The following PRDM2 variants were observed in gnomAD, a reference collection of about 807,000 sequenced individuals.
PRDM2 encodes the protein PR/SET domain 2, also known as PR domain zinc finger protein 2.
PRDM2 carries 30 observed loss-of-function variants against 130.0 expected under a neutral mutation model. That is an observed-to-expected ratio of 0.23 (90% CI 0.17 to 0.31). The LOEUF (loss-of-function observed/expected upper bound fraction) is 0.31. PRDM2 is among the 10% of genes least tolerant of loss of function. PRDM2 has a pLI of 1.00. For synonymous variants in PRDM2, 871 were observed against 782.4 expected, an observed-to-expected ratio of 1.11 and a Z score of -1.89; for missense variants, 2,011 against 2,108.4, an observed-to-expected ratio of 0.95 and a Z score of 0.90.
chr1:13,793,383 A>AG (rs1254789674), intron 8 of PRDM2, among the ~76,000 whole-genome samples: 1 of 152,228 alleles, frequency 6.6e-6, no homozygotes, highest in Non-Finnish European at 1.5e-5. Context: ...AGACCTAGGG[A>AG]GGCACCGCTA....
intron 8 of PRDM2, among the ~76,000 whole-genome samples, chr1:13,811,349 A>G (rs1206358265): frequency 6.6e-6 from 1 of 152,174 alleles, no homozygotes; most frequent in Non-Finnish European, 1.5e-5. Flanking sequence ...TGCCATCACC[A>G]TAACCCACAG....
At position 13,779,851 on chromosome 1, in the gene PRDM2, T is replaced by C. The variant is rs1409652603; in HGVS notation, c.2056T>C (p.Tyr686His). The C allele has an allele frequency of 1.2e-6, 2 of 1,614,138 alleles. No individual in the cohort carries two copies. The highest frequency in any genetic ancestry group is 1.1e-5 in the South Asian group (1 of 91,076). ...GTCTTTCCACAAAGAGAAAAGTGTTTATTTGTCATCAAAGCTCAAACAACT... is the reference window on the plus strand; with the variant it reads ...GTCTTTCCACAAAGAGAAAAGTGTTCATTTGTCATCAAAGCTCAAACAACT... ...AVSFHKEKSV[Y>H]LSSKLKQLLQ... The change falls in exon 8 of 10, where the codon TAT becomes CAT. Residue 686 changes from tyrosine to histidine, a missense_variant. Transcript: ENST00000311066. This position sits in a 1 kb window ranked among gnomAD's most constrained non-coding sequence, Gnocchi z 4.9.
intron 2 of PRDM2, among the ~76,000 whole-genome samples, chr1:13,721,917 A>C (rs1642741712): frequency 6.6e-6 from 1 of 152,054 alleles, no homozygotes; most frequent in African/African-American, 2.4e-5. Context: ...TTAAATGGGG[A>C]CAGTAATGGT....
chr1:13,787,199 C>G, intron 8 of PRDM2: 20 of 983,558 alleles, frequency 2.0e-5, no homozygotes, highest in Non-Finnish European at 2.3e-5. Context: ...AGATTCTTAT[C>G]TGGCACTAAT....
chr1:13,798,082 T>C (rs1478016654), intron 8 of PRDM2, among the ~76,000 whole-genome samples: 1 of 152,008 alleles, frequency 6.6e-6, no homozygotes, highest in Non-Finnish European at 1.5e-5. Context: ...CTGAGTGTCG[T>C]AGGTAAGAGG....
Position 13,782,542 on chromosome 1 carries a change from A to G in PRDM2, c.4747A>G (p.Lys1583Glu), listed in dbSNP as rs748459518. The G allele has an allele frequency of 7.4e-6, 12 of 1,614,076 alleles. No individual in the cohort carries two copies. Among genetic ancestry groups the G allele is most frequent in the Non-Finnish European group, 9.3e-6 (11 of 1,180,042 alleles). ...LRNSSPIRMA[K>E]ITHVEGKKPK... is the part of the protein sequence containing the mutation. ...GAACTCCAGCCCGATAAGAATGGCC[A>G]AAATAACTCATGTTGAGGGGAAAAA... Residue 1583 changes from lysine (K) to glutamate (E), a missense_variant, in exon 8 of 10, where the codon AAA (lysine) becomes GAA (glutamate). Lys to Glu is a moderately conservative substitution (Grantham distance 56). This residue lies in a region of PRDM2 where 410 missense variants were observed against 395.9 expected (regional missense o/e 1.04). Transcript: ENST00000311066.
chr1:13,798,972 G>A (rs1644964408), intron 8 of PRDM2, among the ~76,000 whole-genome samples: 2 of 152,178 alleles, frequency 1.3e-5, no homozygotes, highest in Admixed American at 6.5e-5. Context: ...ACACAGTATC[G>A]CTTGCCTTGG....
At chr1:13,798,829 C>T (rs866255468) in intron 8 of PRDM2, among the ~76,000 whole-genome samples, 1 of 152,206 alleles carries the variant, frequency 6.6e-6, no homozygotes, top group African/African-American at 2.4e-5. Context: ...GGATGACTTT[C>T]CTTGCACATT....
At position 13,782,153 on chromosome 1, in the gene PRDM2, C is replaced by G. The variant is rs1263199306; in HGVS notation, c.4358C>G (p.Ser1453Cys). ...KADLKNACES[S>C]SHICPYCNRE... Reference sequence around the variant, plus strand: ...GACTTGAAAAATGCTTGTGAGTCATCCTCTCACATCTGCCCTTACTGTAAT... The same window carrying G: ...GACTTGAAAAATGCTTGTGAGTCATGCTCTCACATCTGCCCTTACTGTAAT... Residue 1453 changes from serine to cysteine, a missense_variant, in exon 8 of 10, where the codon TCC (serine) becomes TGC (cysteine). Ser to Cys is a moderately radical substitution (Grantham distance 112). Around this residue, in one of 5 missense-constraint regions of PRDM2, gnomAD observed 410 missense variants for 395.9 expected, o/e 1.04. Coordinates refer to ENST00000311066, the MANE Select transcript of PRDM2 (RefSeq NM_001393986.1). The G allele has an allele frequency of 1.2e-6, 2 of 1,613,890 alleles. No individual in the cohort carries two copies. Among genetic ancestry groups the G allele is most frequent in the South Asian group, 2.2e-5 (2 of 91,078 alleles).
chr1:13,813,762 C>G (rs554129029), intron 8 of PRDM2, among the ~76,000 whole-genome samples: 3 of 152,192 alleles, frequency 2.0e-5, no homozygotes, highest in Admixed American at 6.5e-5. Context: ...CCGACCTACT[C>G]GTTCCACCCA....
chr1:13,820,065 C>T (rs760546466), intron 9 of PRDM2, among the ~76,000 whole-genome samples: 3 of 152,258 alleles, frequency 2.0e-5, no homozygotes, highest in Admixed American at 6.5e-5. Flanking sequence ...TTTACAGAGA[C>T]GGAAACTGAC....
intron 2 of PRDM2, among the ~76,000 whole-genome samples, chr1:13,727,711 A>G (rs1313336599): frequency 1.1e-4 from 16 of 152,228 alleles, no homozygotes; most frequent in Non-Finnish European, 1.5e-5. Flanking sequence ...CGTGCTGCCT[A>G]GAACATTGCC....
At chr1:13,716,219 A>T (rs144039918) in intron 2 of PRDM2, among the ~76,000 whole-genome samples, 1 of 149,448 alleles carries the variant, frequency 6.7e-6, no homozygotes, top group Non-Finnish European at 1.5e-5. Context: ...CAAACACCGC[A>T]TATTCTTATT....
At chr1:13,785,882 A>G (rs1015563300) in intron 8 of PRDM2, among the ~76,000 whole-genome samples, 6 of 138,404 alleles carry the variant, frequency 4.3e-5, no homozygotes, top group Admixed American at 3.0e-4. Flanking sequence ...TCCGTTGCCC[A>G]GGCTGGAGTG....
At chr1:13,766,932 T>C (rs1309186420) in intron 6 of PRDM2, among the ~76,000 whole-genome samples, 2 of 152,254 alleles carry the variant, frequency 1.3e-5, no homozygotes, top group African/African-American at 4.8e-5. Flanking sequence ...GGTGAAACAT[T>C]ATTCTCTAGA....
chr1:13,802,732 G>C (rs929348683), intron 8 of PRDM2, among the ~76,000 whole-genome samples: 3 of 152,200 alleles, frequency 2.0e-5, no homozygotes, highest in Non-Finnish European at 4.4e-5. Flanking sequence ...ATCATCTCTT[G>C]CTTCCCAAGT....
intron 6 of PRDM2, among the ~76,000 whole-genome samples, chr1:13,765,891 A>G (rs1644215523): frequency 6.6e-6 from 1 of 152,188 alleles, no homozygotes; most frequent in Non-Finnish European, 1.5e-5. Context: ...TGTACTTTAT[A>G]CTTTTCTCCT....
intron 1 of PRDM2, among the ~76,000 whole-genome samples, chr1:13,709,707 T>C (rs1263087541): frequency 6.6e-6 from 1 of 152,234 alleles, no homozygotes; most frequent in Non-Finnish European, 1.5e-5. Flanking sequence ...CTAGTCCATG[T>C]TTTCATTCTG....
At chr1:13,741,816 T>C (rs1255335418) in intron 4 of PRDM2, among the ~76,000 whole-genome samples, 189 bp from the exon 5 acceptor site, 1 of 149,088 alleles carries the variant, frequency 6.7e-6, no homozygotes, top group Non-Finnish European at 1.5e-5. Flanking sequence ...ATAATGAGAA[T>C]TACAGTTTCG....
Sources: gnomAD v4.1 joint callset for allele counts (sites outside exome capture counted in the v4.1 genomes callset) on GRCh38, gnomAD v4.1.1 for gene constraint, gnomAD v4.1.1 regional missense constraint, Gnocchi (gnomAD v3.1) non-coding constraint, MANE v1.5 for transcripts, NCBI Gene and HGNC (gene_info 2026-07-23, HGNC 2026-07-21) for gene names.